The following SEC23IP variants were observed in gnomAD, a reference collection of about 807,000 sequenced individuals.
SEC23IP encodes SEC23 interacting protein.
In SEC23IP, 70 loss-of-function variants were observed where a neutral mutation model predicts 113.4. The observed-to-expected ratio is 0.62, with a 90% confidence interval of 0.51 to 0.75. SEC23IP has a LOEUF of 0.75. SEC23IP is among the 30% of genes least tolerant of loss of function. The probability of loss-of-function intolerance (pLI) is 0.00; values close to 1 mark genes in which losing one functional copy is unlikely to be tolerated. For synonymous variants in SEC23IP, 398 were observed against 421.0 expected, an observed-to-expected ratio of 0.95 and a Z score of 0.67; for missense variants, 1,160 against 1,204.9, an observed-to-expected ratio of 0.96 and a Z score of 0.55.
At chr10:119,916,003 A>G (rs936357022) in intron 8 of SEC23IP, 114 bp downstream of exon 8, 12 of 890,752 alleles carry the variant, frequency 1.3e-5, no homozygotes, top group African/African-American at 1.7e-5. Flanking sequence ...TAAAAATTGT[A>G]TACTTCTGAC....
chr10:119,942,979 T>C lies in SEC23IP; in HGVS notation c.*2414T>C, dbSNP rs1035359711. The C allele has an allele frequency of 6.6e-6, 1 of 152,204 alleles. No homozygotes were observed. The highest frequency in any genetic ancestry group is 2.4e-5 in the African/African-American group (1 of 41,450). 9.4% of individuals were successfully genotyped at this position (152,204 alleles called of 1,614,324 possible). On this transcript the variant is annotated 3_prime_UTR_variant, in exon 19 of 19. Coordinates refer to ENST00000369075, the MANE Select transcript of SEC23IP (RefSeq NM_007190.4). ...GCCGCTATCTTGGCAGGGATGATCA[T>C]GTATTTGAAATAGTAACTCACAGCA...
chr10:119,903,850 A>G (rs993855616), intron 3 of SEC23IP, among the ~76,000 whole-genome samples: 1 of 152,140 alleles, frequency 6.6e-6, no homozygotes, highest in African/African-American at 2.4e-5. Context: ...CCTCCCAAGT[A>G]GCTGGGATTA....
At chr10:119,906,702 A>C (rs1854679738) in intron 4 of SEC23IP, among the ~76,000 whole-genome samples, 1 of 151,938 alleles carries the variant, frequency 6.6e-6, no homozygotes, top group Non-Finnish European at 1.5e-5. Context: ...CAGCCTTCCG[A>C]GTTGCTGGGA....
Position 119,909,057 on chromosome 10 carries a change from C to A in SEC23IP, c.1118C>A (p.Ala373Asp). Residue 373 changes from alanine to aspartate, a missense_variant, in exon 5 of 19, where the codon GCT becomes GAT. Coordinates refer to ENST00000369075, the MANE Select transcript of SEC23IP (RefSeq NM_007190.4). ...SEKLEAEYKK[A>D]VTTNQWHRRL... ...CCATTATAGGCTGAATATAAAAAAG[C>A]TGTAACCACTAATCAGTGGCACCGA... 6.2e-7 allele frequency: 1 copy of A among 1,610,858 alleles called. No homozygotes were observed. The highest frequency in any genetic ancestry group is 8.5e-7 in the Non-Finnish European group (1 of 1,178,044).
Position 119,897,028 on chromosome 10 carries a change from A to G in SEC23IP, c.164-1399A>G, listed in dbSNP as rs75671632. ...TGATGTGTGTAAATAATGAGAGCTC[A>G]AGAAGCTCAAGCCCTAGTCTCAGCA... On this transcript the variant is annotated intron_variant, in intron 1 of 18. Transcript: ENST00000369075. 2.1e-3 allele frequency among the ~76,000 whole-genome samples: 320 copies of G among 152,352 alleles called. 3 individuals are homozygous for G. The highest frequency in any genetic ancestry group is 7.1e-3 in the African/African-American group (296 of 41,580).
intron 4 of SEC23IP, 130 bp from the exon 5 acceptor site, chr10:119,908,911 C>T (rs1854767084): frequency 1.6e-6 from 1 of 615,078 alleles, no homozygotes; most frequent in African/African-American, 1.9e-5. Flanking sequence ...AATATGTTAA[C>T]CAGTCAGGAA....
chr10:119,919,439 TAAAGA>T lies in SEC23IP; in HGVS notation c.1873-4_1873del. ...GTAATGTTTTTCATACTTTTTTTTTTAAAGATGCCTGAAGAGCCAAAGCTGACTTT... is the reference window on the plus strand; with the variant it reads ...GTAATGTTTTTCATACTTTTTTTTTTTGCCTGAAGAGCCAAAGCTGACTTT... On this transcript the variant is annotated splice_acceptor_variant and splice_polypyrimidine_tract_variant and coding_sequence_variant and intron_variant, in exon 11 of 19. Transcript: ENST00000369075. LOFTEE classifies it high-confidence loss of function. The T allele has an allele frequency of 6.3e-7, 1 of 1,575,878 alleles. No homozygotes were observed. Among genetic ancestry groups the T allele is most frequent in the Non-Finnish European group, 8.6e-7 (1 of 1,167,036 alleles).
At chr10:119,901,622 T>C (rs903430288) in intron 2 of SEC23IP, among the ~76,000 whole-genome samples, 1 of 152,226 alleles carries the variant, frequency 6.6e-6, no homozygotes, top group Admixed American at 6.5e-5. Flanking sequence ...GTTTTGACAG[T>C]TGTACACACC....
chr10:119,924,659 C>T (rs1360264729), intron 12 of SEC23IP, among the ~76,000 whole-genome samples: 2 of 151,938 alleles, frequency 1.3e-5, no homozygotes, highest in Non-Finnish European at 2.9e-5. Flanking sequence ...ATGATTCGCC[C>T]GCCTCGGCCT....
chr10:119,904,402 C>A, intron 4 of SEC23IP, 125 bp downstream of exon 4: 2 of 779,968 alleles, frequency 2.6e-6, no homozygotes, highest in Non-Finnish European at 2.1e-6. Context: ...ATGCTGTTCA[C>A]AGAGAAGATT....
At chr10:119,933,641 T>C in intron 17 of SEC23IP, 45 bp from the exon 18 acceptor site, 1 of 1,085,246 alleles carries the variant, frequency 9.2e-7, no homozygotes, top group Non-Finnish European at 1.4e-6. Flanking sequence ...AGAAGTTAAT[T>C]TCTTCTAATT....
chr10:119,903,119 C>T (rs979571423), intron 3 of SEC23IP, 110 bp downstream of exon 3: 1 of 867,924 alleles, frequency 1.2e-6, no homozygotes, highest in Admixed American at 2.6e-5. Context: ...TCCTTATAGA[C>T]CCCAGACTCT....
Position 119,935,803 on chromosome 10 carries a change from A to G in SEC23IP, c.*20+2016A>G, listed in dbSNP as rs116189973. 2.5e-3 allele frequency among the ~76,000 whole-genome samples: 386 copies of G among 152,346 alleles called. 1 individual carries two copies. Among genetic ancestry groups the G allele is most frequent in the African/African-American group, 8.9e-3 (368 of 41,578 alleles). On this transcript the variant is annotated intron_variant, in intron 18 of 18. Coordinates refer to ENST00000369075, the MANE Select transcript of SEC23IP (RefSeq NM_007190.4). ...TGGGATGGGTTCAAGTTATTAATGT[A>G]TATAAGATGGCAAGGGACCCCCTTC...
intron 6 of SEC23IP, among the ~76,000 whole-genome samples, chr10:119,913,857 T>C (rs1339950113): frequency 1.3e-5 from 2 of 151,878 alleles, no homozygotes; most frequent in Admixed American, 6.6e-5. Flanking sequence ...AAACTTTATT[T>C]ATAAAAGCAG....
intron 18 of SEC23IP, among the ~76,000 whole-genome samples, chr10:119,934,827 T>C (rs1855720862): frequency 6.6e-6 from 1 of 152,170 alleles, no homozygotes; most frequent in South Asian, 2.1e-4. Context: ...ATTAAACTTG[T>C]AACAAAGTAA....
intron 13 of SEC23IP, among the ~76,000 whole-genome samples, chr10:119,928,168 T>C (rs897768572): frequency 6.6e-6 from 1 of 152,232 alleles, no homozygotes; most frequent in Non-Finnish European, 1.5e-5. Context: ...CTGTATTTCT[T>C]TGAGCACTAG....
rs747471571 is a variant in SEC23IP at position 119,933,784 on chromosome 10, C to CT, written c.*18dup. 3.6e-6 allele frequency: 5 copies of CT among 1,391,894 alleles called. No individual in the cohort carries two copies. In the South Asian group the frequency reaches 5.9e-5, roughly 16 times the overall value. The allele number at this position is 1,391,894 out of a possible 1,614,324, so 86.2% of individuals were successfully genotyped here. On this transcript the variant is annotated 3_prime_UTR_variant, in exon 18 of 19. Coordinates refer to ENST00000369075, the MANE Select transcript of SEC23IP (RefSeq NM_007190.4). ...CAGCATTGATCAAACTTCAGTTTTA[C>CT]TGTGTGAGTTTATCCTTATTGAATG...
intron 1 of SEC23IP, among the ~76,000 whole-genome samples, chr10:119,893,575 A>G (rs1055577450): frequency 2.1e-4 from 27 of 131,662 alleles, no homozygotes; most frequent in African/African-American, 6.5e-4. Flanking sequence ...GCTGGAATGC[A>G]GTGGCGCGAT....
chr10:119,910,330 A>G (rs991959475), intron 5 of SEC23IP, among the ~76,000 whole-genome samples: 2 of 152,202 alleles, frequency 1.3e-5, no homozygotes, highest in South Asian at 2.1e-4. Flanking sequence ...TTCTGATTCT[A>G]TCATTTGCCA....
Sources: gnomAD v4.1 joint callset for allele counts (sites outside exome capture counted in the v4.1 genomes callset) on GRCh38, gnomAD v4.1.1 for gene constraint, MANE v1.5 for transcripts, NCBI Gene and HGNC (gene_info 2026-07-23, HGNC 2026-07-21) for gene names.